CACUL1: variants seen among roughly 807,000 people sequenced by gnomAD.
CACUL1 encodes the protein CDK2-associated and cullin domain-containing protein 1.
CACUL1 carries 13 observed loss-of-function variants against 45.2 expected under a neutral mutation model. The ratio of observed to expected loss-of-function variants is 0.29; its 90% CI spans 0.19 to 0.46. The LOEUF is 0.46. Among genes scored for constraint, CACUL1 ranks in the 20% least tolerant of loss-of-function variants. The pLI, the probability that CACUL1 is intolerant of heterozygous loss-of-function variation, is 1.00. For missense variants in CACUL1, 421 were observed against 471.4 expected (o/e 0.89, Z 0.99); for synonymous variants, 197 against 174.2 (o/e 1.13, Z -1.03).
At chr10:118,705,547 A>G (rs1414118340) in intron 4 of CACUL1, among the ~76,000 whole-genome samples, 2 of 152,146 alleles carry the variant, frequency 1.3e-5, no homozygotes, top group East Asian at 3.8e-4. Context: ...AAGTTAGTCT[A>G]CCTCTTTTCA....
In CACUL1 at chr10:118,677,126, T is replaced by G. The variant is rs1845106353; in HGVS notation, c.*9002A>C. 1 of 152,202 alleles carries G rather than the reference T, an allele frequency of 6.6e-6. No individual in the cohort carries two copies. The highest frequency in any genetic ancestry group is 1.5e-5 in the Non-Finnish European group (1 of 68,044). The allele number at this position is 152,202 out of a possible 1,614,324, so 9.4% of individuals were successfully genotyped here. On this transcript the variant is annotated 3_prime_UTR_variant, in exon 9 of 9. Coordinates refer to ENST00000369151, the MANE Select transcript of CACUL1 (RefSeq NM_153810.5). ...AAATAATTGACCATGGACAGCATGA[T>G]TTCAAAAAGCCGCCTTTAGTGTACT... is the stretch of plus-strand genomic sequence containing the variant.
chr10:118,733,613 T>C (rs1038872530), intron 1 of CACUL1, among the ~76,000 whole-genome samples: 7 of 152,236 alleles, frequency 4.6e-5, no homozygotes, highest in African/African-American at 1.7e-4. Flanking sequence ...CTGACACATA[T>C]AGCCTCAGAG....
chr10:118,682,017 A>G lies in CACUL1; in HGVS notation c.*4111T>C, dbSNP rs1156969591. 6.6e-6 allele frequency: 1 copy of G among 152,238 alleles called. No individual in the cohort carries two copies. Among genetic ancestry groups the G allele is most frequent in the Non-Finnish European group, 1.5e-5 (1 of 68,042 alleles). 9.4% of individuals were successfully genotyped at this position (152,238 alleles called of 1,614,324 possible). ...TTTAACTTCTGACAAAGTTAACTTCATTTATACAATCGTATTGAAAACAGT... is the reference window on the plus strand; with the variant it reads ...TTTAACTTCTGACAAAGTTAACTTCGTTTATACAATCGTATTGAAAACAGT... On this transcript the variant is annotated 3_prime_UTR_variant, in exon 9 of 9. Coordinates refer to ENST00000369151, the MANE Select transcript of CACUL1 (RefSeq NM_153810.5).
chr10:118,708,974 C>G (rs1025627584), intron 3 of CACUL1, among the ~76,000 whole-genome samples: 2 of 152,204 alleles, frequency 1.3e-5, no homozygotes, highest in African/African-American at 4.8e-5. Flanking sequence ...AGTAAAAAAT[C>G]TGTGTATAAC....
intron 1 of CACUL1, among the ~76,000 whole-genome samples, chr10:118,736,130 C>T (rs564333196): frequency 6.6e-6 from 1 of 152,112 alleles, no homozygotes; most frequent in African/African-American, 2.4e-5. Context: ...AGGCCAAGAA[C>T]ATAACCTGAG....
Position 118,707,500 on chromosome 10 carries a change from T to G in CACUL1, c.685A>C (p.Ile229Leu). Residue 229 changes from isoleucine (I) to leucine (L), a missense_variant, in exon 4 of 9, where the codon ATA (isoleucine) becomes CTA (leucine). By Grantham distance (5) the Ile-to-Leu change is conservative. Transcript: ENST00000369151. The part of the protein sequence containing the change: ...GALQSIVPLF[I>L]YMNKFYIETK... ...AAGGAGCTCTTACTTACCATATATATGAAAAGAGGCACAATGCTCTGCAAT... is the reference window on the plus strand; with the variant it reads ...AAGGAGCTCTTACTTACCATATATAGGAAAAGAGGCACAATGCTCTGCAAT... 1 of 1,498,594 alleles carries G rather than the reference T, an allele frequency of 6.7e-7. No individual in the cohort carries two copies. Among genetic ancestry groups the G allele is most frequent in the Non-Finnish European group, 9.3e-7 (1 of 1,076,294 alleles). The allele number at this position is 1,498,594 out of a possible 1,614,324, so 92.8% of individuals were successfully genotyped here. A position where few individuals can be genotyped will look rare whatever the true frequency, so the allele number is the denominator to read the frequency against.
rs775631933 is a variant in CACUL1, at chr10:118,679,213, GTTTT to G, written c.*6911_*6914del. ...TACCACCACGCCCAACTTTTTTTGT[GTTTT>G]TTTGAGACAGAGTCTCGCTCTGTTG... On this transcript the variant is annotated 3_prime_UTR_variant, in exon 9 of 9. Transcript: ENST00000369151. The G allele has an allele frequency of 2.0e-5, 3 of 151,244 alleles. No homozygotes were observed. The highest frequency in any genetic ancestry group is 1.5e-5 in the Non-Finnish European group (1 of 67,792). The allele number at this position is 151,244 out of a possible 1,614,324, so 9.4% of individuals were successfully genotyped here.
At chr10:118,693,522 C>A in intron 6 of CACUL1, 1 of 285,822 alleles carries the variant, frequency 3.5e-6, no homozygotes, top group Non-Finnish European at 7.1e-6. Flanking sequence ...GATAAAATAG[C>A]ATTTAGATAA....
At chr10:118,732,231 G>C (rs910534551) in intron 1 of CACUL1, among the ~76,000 whole-genome samples, 9 of 152,196 alleles carry the variant, frequency 5.9e-5, no homozygotes, top group Non-Finnish European at 1.3e-4. Flanking sequence ...AGGACAATAA[G>C]GAGAGATCAG....
intron 3 of CACUL1, among the ~76,000 whole-genome samples, chr10:118,723,942 T>TAGGCC: frequency 6.6e-6 from 1 of 152,166 alleles, no homozygotes; most frequent in Non-Finnish European, 1.5e-5. Context: ...TTTTTTTGTA[T>TAGGCC]TTGTAGTAGA....
Position 118,707,525 on chromosome 10 carries a change from T to A in CACUL1, c.660A>T (p.Ala220=), listed in dbSNP as rs757749666. 4.4e-6 allele frequency: 7 copies of A among 1,580,402 alleles called. No individual in the cohort carries two copies. In the East Asian group the frequency reaches 1.6e-4, roughly 35 times the overall value. Residue 220 remains alanine (A), a synonymous_variant, in exon 4 of 9, where the codon GCA becomes GCT. Transcript: ENST00000369151. The stretch of plus-strand genomic sequence containing the variant: ...TGAAAAGAGGCACAATGCTCTGCAA[T>A]GCTCCCATATATTGTCCAAGAGCTA... ...FNIALGQYMG[A]LQSIVPLFIY...
intron 5 of CACUL1, among the ~76,000 whole-genome samples, chr10:118,697,331 A>T (rs1315641914): frequency 6.6e-6 from 1 of 152,270 alleles, no homozygotes; most frequent in Non-Finnish European, 1.5e-5. Flanking sequence ...AGGCAGAAGA[A>T]GTTTGAGAAC....
chr10:118,710,294 T>G (rs1400204437), intron 3 of CACUL1, among the ~76,000 whole-genome samples: 2 of 152,242 alleles, frequency 1.3e-5, no homozygotes, highest in South Asian at 2.1e-4. Context: ...GATGAGGTGA[T>G]TGGGGCTCAG....
chr10:118,731,875 C>T (rs969304884), intron 1 of CACUL1, among the ~76,000 whole-genome samples: 2 of 152,026 alleles, frequency 1.3e-5, no homozygotes, highest in Non-Finnish European at 2.9e-5. Context: ...AGATGAAATG[C>T]AAAACACAAA....
intron 7 of CACUL1, 36 bp downstream of exon 7, chr10:118,691,229 C>T: frequency 1.3e-6 from 2 of 1,580,298 alleles, no homozygotes; most frequent in Non-Finnish European, 1.7e-6. Context: ...GGGAAATGGA[C>T]ATATTTGACC....
intron 4 of CACUL1, among the ~76,000 whole-genome samples, chr10:118,702,146 C>T (rs1457433611): frequency 2.0e-5 from 3 of 152,176 alleles, no homozygotes; most frequent in African/African-American, 7.2e-5. Flanking sequence ...GCTCCTGGGC[C>T]GAGCACCTTG....
intron 1 of CACUL1, among the ~76,000 whole-genome samples, chr10:118,734,141 GCTGCCTATTTAGACAATA>G (rs1385504435): frequency 6.6e-6 from 1 of 152,204 alleles, no homozygotes; most frequent in East Asian, 1.9e-4. Flanking sequence ...GATCTGCAAG[GCTGCCTATTTAGACAATA>G]CTTTTCAACT....
At chr10:118,700,649 A>G (rs1845369887) in intron 5 of CACUL1, among the ~76,000 whole-genome samples, 1 of 147,930 alleles carries the variant, frequency 6.8e-6, no homozygotes. Flanking sequence ...CCCGAGAGGC[A>G]GAGCTTGCAG....
intron 1 of CACUL1, among the ~76,000 whole-genome samples, chr10:118,731,718 G>A (rs140857555): frequency 5.0e-4 from 76 of 152,354 alleles, no homozygotes; most frequent in Middle Eastern, 6.8e-3. Context: ...CTATAAAGCA[G>A]TAGCATGGAG....
Sources: allele counts gnomAD v4.1 joint callset (sites outside exome capture counted in the v4.1 genomes callset), GRCh38; gene constraint gnomAD v4.1.1; transcripts MANE v1.5; gene names NCBI Gene and HGNC (gene_info 2026-07-23, HGNC 2026-07-21).